Variants in CD47 observed in about 807,000 individuals in gnomAD.
The protein encoded by CD47 is leukocyte surface antigen CD47.
A neutral mutation model predicts 44.6 loss-of-function variants in CD47; 11 were observed. The observed-to-expected ratio is 0.25, with a 90% confidence interval of 0.16 to 0.41. The LOEUF (loss-of-function observed/expected upper bound fraction) is 0.41. CD47 is among the 10% of genes least tolerant of loss of function. The probability of loss-of-function intolerance (pLI) is 1.00; values close to 1 mark genes in which losing one functional copy is unlikely to be tolerated. For synonymous variants in CD47, 140 were observed against 136.3 expected (o/e 1.03, Z -0.19); for missense variants, 306 against 386.7 (o/e 0.79, Z 1.75).
At chr3:108,047,347 T>C (rs755518377) in intron 10 of CD47, 55 bp from the exon 11 acceptor site, 4 of 1,453,668 alleles carry the variant, frequency 2.8e-6, no homozygotes, top group Non-Finnish European at 3.8e-6. Context: ...TTTCTATCCA[T>C]TAAAAAGTTG....
rs958179054 is a variant in CD47 at position 108,090,994 on chromosome 3, C to A, written c.-86G>T. The A allele has an allele frequency of 4.1e-6, 4 of 966,760 alleles. No homozygotes were observed. In the African/African-American group the frequency reaches 5.2e-5, roughly 13 times the overall value. 59.9% of individuals were successfully genotyped at this position (966,760 alleles called of 1,614,324 possible). On this transcript the variant is annotated 5_prime_UTR_variant, in exon 1 of 11. Transcript: ENST00000361309. ...CGCCGTTACAGGCAGGACCGACCGCCGCCGCGCGTCACAGGCAGGACCCAC... is the reference window on the plus strand; with the variant it reads ...CGCCGTTACAGGCAGGACCGACCGCAGCCGCGCGTCACAGGCAGGACCCAC...
intron 9 of CD47, among the ~76,000 whole-genome samples, 173 bp downstream of exon 9, chr3:108,050,405 C>A (rs2007775): frequency 6.6e-6 from 1 of 152,094 alleles, no homozygotes; most frequent in African/African-American, 2.4e-5. Context: ...CGTGAGCCAC[C>A]GCACCCAGCC....
chr3:108,062,108 A>T (rs979528872), intron 3 of CD47, among the ~76,000 whole-genome samples: 2 of 152,102 alleles, frequency 1.3e-5, no homozygotes, highest in Non-Finnish European at 2.9e-5. Flanking sequence ...TTTCAGTTAC[A>T]CAGTTGAGTA....
At chr3:108,067,380 C>G (rs1320560016) in intron 3 of CD47, among the ~76,000 whole-genome samples, 2 of 152,156 alleles carry the variant, frequency 1.3e-5, no homozygotes, top group Admixed American at 6.5e-5. Flanking sequence ...AACAAAGTTA[C>G]AAAGGCAAAG....
At position 108,049,709 on chromosome 3, in the gene CD47, T is replaced by C. The variant is rs1029297139; in HGVS notation, c.935-58A>G. 23 of 1,269,352 alleles carry C rather than the reference T, an allele frequency of 1.8e-5. No homozygotes were observed. The Admixed American group carries it at 2.6e-4, about 14-fold the overall frequency. 78.6% of individuals were successfully genotyped at this position (1,269,352 alleles called of 1,614,324 possible). The stretch of plus-strand genomic sequence containing the variant: ...GTGAGGTTCCACAATTGGAAATCAT[T>C]TCTAAATAAACAAATATGCAATGAT... On this transcript the variant is annotated intron_variant, in intron 9 of 10. Transcript: ENST00000361309.
At chr3:108,065,910 T>G (rs148550434) in intron 3 of CD47, among the ~76,000 whole-genome samples, 1 of 151,498 alleles carries the variant, frequency 6.6e-6, no homozygotes, top group South Asian at 2.1e-4. Context: ...CACAGAATGA[T>G]TCTTTGTGAT....
At chr3:108,062,637 CTTTTCTTTTTTT>C (rs1454695180) in intron 3 of CD47, among the ~76,000 whole-genome samples, 2 of 147,804 alleles carry the variant, frequency 1.4e-5, no homozygotes, top group Non-Finnish European at 3.0e-5. Context: ...TTTTCTTTTT[CTTTTCTTTTTTT>C]TTTTTTTTGG....
At chr3:108,070,698 G>A (rs550708931) in intron 3 of CD47, among the ~76,000 whole-genome samples, 19 of 152,262 alleles carry the variant, frequency 1.2e-4, no homozygotes, top group Admixed American at 6.5e-4. Flanking sequence ...AAAAAGAGGG[G>A]AATCTAAATG....
At chr3:108,078,562 T>C (rs1397120493) in intron 2 of CD47, among the ~76,000 whole-genome samples, 2 of 151,466 alleles carry the variant, frequency 1.3e-5, no homozygotes, top group African/African-American at 4.8e-5. Flanking sequence ...CTAATACCAG[T>C]TAGTTGCAGT....
chr3:108,075,351 T>C (rs892765533), intron 2 of CD47, among the ~76,000 whole-genome samples: 2 of 152,198 alleles, frequency 1.3e-5, no homozygotes, highest in African/African-American at 4.8e-5. Context: ...GTCTTATCAC[T>C]GTACAAAAAT....
At position 108,081,250 on chromosome 3, in the gene CD47, C is replaced by A. The variant is rs149886908; in HGVS notation, c.47-906G>T. Among the ~76,000 whole-genome samples the A allele has an allele frequency of 3.1e-3, 473 of 152,060 alleles. 2 individuals carry two copies. Among genetic ancestry groups the A allele is most frequent in the African/African-American group, 0.011 (452 of 41,518 alleles). On this transcript the variant is annotated intron_variant, in intron 1 of 10. Transcript: ENST00000361309. ...CACTGGGTAAATAAATGTAATCACT[C>A]ATTGTTCAACTAAAATGTACAAGAA...
intron 3 of CD47, among the ~76,000 whole-genome samples, chr3:108,065,517 A>T (rs1206626796): frequency 4.6e-5 from 7 of 152,194 alleles, no homozygotes; most frequent in Non-Finnish European, 2.9e-5. Flanking sequence ...TATTGAACAG[A>T]ATTCACTGTA....
chr3:108,057,059 G>C (rs1467987025), intron 7 of CD47, among the ~76,000 whole-genome samples: 1 of 152,136 alleles, frequency 6.6e-6, no homozygotes, highest in Non-Finnish European at 1.5e-5. Context: ...AAACAGGTCT[G>C]TGCAGGACAG....
chr3:108,060,553 A>AG, intron 4 of CD47, among the ~76,000 whole-genome samples, 192 bp downstream of exon 4: 1 of 152,316 alleles, frequency 6.6e-6, no homozygotes, highest in South Asian at 2.1e-4. Context: ...CAGCCTTGAG[A>AG]GGGAGTGTGG....
At chr3:108,076,922 T>C (rs1560023529) in intron 2 of CD47, among the ~76,000 whole-genome samples, 1 of 152,178 alleles carries the variant, frequency 6.6e-6, no homozygotes, top group Non-Finnish European at 1.5e-5. Context: ...ACAGATAGGT[T>C]GAGTTTTTTA....
intron 1 of CD47, among the ~76,000 whole-genome samples, chr3:108,088,710 G>C (rs1262822874): frequency 1.3e-5 from 2 of 151,422 alleles, no homozygotes; most frequent in Admixed American, 6.6e-5. Context: ...TTTATTTAAA[G>C]TTTTATTTGC....
chr3:108,051,061 T>C (rs896950989), intron 8 of CD47, among the ~76,000 whole-genome samples: 3 of 152,236 alleles, frequency 2.0e-5, no homozygotes, highest in African/African-American at 7.2e-5. Context: ...CCAACATAGC[T>C]ATGGCACCAA....
intron 1 of CD47, 33 bp downstream of exon 1, chr3:108,090,830 C>G (rs563916966): frequency 1.4e-6 from 2 of 1,463,454 alleles, no homozygotes; most frequent in African/African-American, 2.9e-5. Context: ...GAAGCGACAG[C>G]AGCCGCAGGG....
chr3:108,048,384 T>G (rs9756200), intron 10 of CD47, among the ~76,000 whole-genome samples: 5,786 of 137,376 alleles, frequency 0.042, 193 homozygotes, highest in African/African-American at 0.087. Context: ...TTTTTTTTTT[T>G]TTTTTTTTTT....
Sources: allele counts gnomAD v4.1 joint callset (sites outside exome capture counted in the v4.1 genomes callset), GRCh38; gene constraint gnomAD v4.1.1; transcripts MANE v1.5; gene names NCBI Gene and HGNC (gene_info 2026-07-23, HGNC 2026-07-21).